ST8SIA6: variants seen among roughly 807,000 people sequenced by gnomAD.
The protein encoded by ST8SIA6 is ST8 alpha-N-acetyl-neuraminide alpha-2,8-sialyltransferase 6.
A neutral mutation model predicts 33.6 loss-of-function variants in ST8SIA6; 39 were observed. The ratio of observed to expected loss-of-function variants is 1.16; its 90% CI spans 0.90 to 1.52. The LOEUF (loss-of-function observed/expected upper bound fraction) is 1.52. ST8SIA6 is among the 40% of genes most tolerant of loss of function. ST8SIA6 has a pLI of 0.00. For missense variants in ST8SIA6, 441 were observed against 443.8 expected, an observed-to-expected ratio of 0.99 and a Z score of 0.06; for synonymous variants, 172 against 167.2, an observed-to-expected ratio of 1.03 and a Z score of -0.22.
chr10:17,388,116 G>C (rs1226353218), intron 3 of ST8SIA6, among the ~76,000 whole-genome samples: 3 of 152,230 alleles, frequency 2.0e-5, no homozygotes, highest in African/African-American at 7.2e-5. Flanking sequence ...GCCCAGGATC[G>C]TAGGTGAGGT....
intron 4 of ST8SIA6, among the ~76,000 whole-genome samples, chr10:17,347,664 C>G (rs1436035366): frequency 6.6e-6 from 1 of 151,976 alleles, no homozygotes; most frequent in African/African-American, 2.4e-5. Flanking sequence ...GCAAGGATCC[C>G]TCCAGGGGTC....
chr10:17,441,740 T>G (rs1005470222), intron 2 of ST8SIA6, among the ~76,000 whole-genome samples: 1 of 152,294 alleles, frequency 6.6e-6, no homozygotes, highest in South Asian at 2.1e-4. Flanking sequence ...TAAGTTTCAT[T>G]TGAAAGAATC....
chr10:17,325,717 C>T (rs1848111441), intron 6 of ST8SIA6, among the ~76,000 whole-genome samples: 1 of 152,124 alleles, frequency 6.6e-6, no homozygotes, highest in Non-Finnish European at 1.5e-5. Flanking sequence ...GTCTAGCCCT[C>T]ATTTTGCCTT....
At chr10:17,367,134 T>C (rs920498235) in intron 3 of ST8SIA6, among the ~76,000 whole-genome samples, 12 of 152,188 alleles carry the variant, frequency 7.9e-5, no homozygotes, top group Non-Finnish European at 1.6e-4. Flanking sequence ...TTTCAGTATC[T>C]TGAAGCTTCG....
At chr10:17,430,428 T>G (rs1349696358) in intron 2 of ST8SIA6, among the ~76,000 whole-genome samples, 3 of 152,246 alleles carry the variant, frequency 2.0e-5, no homozygotes, top group African/African-American at 7.2e-5. Flanking sequence ...GATTGCTGGA[T>G]TGAATGGTAG....
chr10:17,400,943 G>A (rs890579551), intron 2 of ST8SIA6, among the ~76,000 whole-genome samples: 6 of 152,168 alleles, frequency 3.9e-5, no homozygotes, highest in Admixed American at 3.9e-4. Context: ...AATCAGGCAG[G>A]AGAAAGAAAT....
At chr10:17,361,984 T>C (rs867889370) in intron 3 of ST8SIA6, among the ~76,000 whole-genome samples, 3 of 152,094 alleles carry the variant, frequency 2.0e-5, no homozygotes, top group Admixed American at 6.6e-5. Flanking sequence ...ACCCTCACTG[T>C]AAAACAGAAT....
intron 2 of ST8SIA6, among the ~76,000 whole-genome samples, chr10:17,427,547 C>T (rs1256201426): frequency 6.6e-6 from 1 of 152,244 alleles, no homozygotes; most frequent in Non-Finnish European, 1.5e-5. Context: ...ATAGAACAAT[C>T]AGCAGCTTTG....
chr10:17,424,350 T>A (rs7092780), intron 2 of ST8SIA6, among the ~76,000 whole-genome samples: 67,886 of 151,906 alleles, frequency 0.45, 16,232 homozygotes, highest in East Asian at 0.61. Context: ...GTGATCCACC[T>A]GCCTCGGCCT....
intron 2 of ST8SIA6, among the ~76,000 whole-genome samples, chr10:17,439,476 T>C (rs2131733390): frequency 6.6e-6 from 1 of 152,304 alleles, no homozygotes; most frequent in African/African-American, 2.4e-5. Flanking sequence ...GGCAGGGTTT[T>C]GCCATGCTGG....
intron 3 of ST8SIA6, among the ~76,000 whole-genome samples, chr10:17,379,017 T>A (rs1391763190): frequency 1.3e-5 from 2 of 151,318 alleles, no homozygotes. Context: ...TCCCAGCTAC[T>A]GGGGAGGCTG....
rs1003134872 is a variant in ST8SIA6, at chr10:17,321,489, G to A, written c.729-143C>T. 6.3e-6 allele frequency: 4 copies of A among 630,366 alleles called. No homozygotes were observed. In the Admixed American group the frequency reaches 9.7e-5, roughly 15 times the overall value. The allele number at this position is 630,366 out of a possible 1,614,324, so 39.0% of individuals were successfully genotyped here. ...ATAAAACAGATAAAGTGTGGACTCA[G>A]AGAAAACTCATTCAAGTAAGCATAA... On this transcript the variant is annotated intron_variant, in intron 7 of 7. Transcript: ENST00000377602.
chr10:17,360,187 A>T (rs1849334731), intron 3 of ST8SIA6, among the ~76,000 whole-genome samples: 1 of 152,102 alleles, frequency 6.6e-6, no homozygotes, highest in Non-Finnish European at 1.5e-5. Flanking sequence ...CTGAAATTCC[A>T]CCATTAAGTA....
chr10:17,404,784 A>G (rs570079738), intron 2 of ST8SIA6, among the ~76,000 whole-genome samples: 44 of 152,296 alleles, frequency 2.9e-4, no homozygotes, highest in African/African-American at 9.6e-4. Flanking sequence ...TCCTACTGCA[A>G]ACCTCATTGC....
chr10:17,367,945 C>T (rs1177754074), intron 3 of ST8SIA6, among the ~76,000 whole-genome samples: 2 of 152,162 alleles, frequency 1.3e-5, no homozygotes, highest in African/African-American at 2.4e-5. Flanking sequence ...CCCTTCCCTC[C>T]CTCCTGACTC....
At chr10:17,386,833 G>C (rs61842120) in intron 3 of ST8SIA6, 6,616 of 152,338 alleles carry the variant, frequency 0.043, 199 homozygotes, top group Non-Finnish European at 0.06. Context: ...GTGATACCCG[G>C]TAGGCCTCTC....
At chr10:17,385,568 G>A (rs748491530) in intron 3 of ST8SIA6, among the ~76,000 whole-genome samples, 1 of 151,930 alleles carries the variant, frequency 6.6e-6, no homozygotes, top group Non-Finnish European at 1.5e-5. Flanking sequence ...TCTCTTGCAG[G>A]TGGGGGCAGG....
intron 2 of ST8SIA6, chr10:17,409,998 T>A (rs1463965635): frequency 6.6e-6 from 1 of 152,226 alleles, no homozygotes; most frequent in Non-Finnish European, 1.5e-5. Context: ...CTAATTAATG[T>A]GGAAGCCCCA....
At chr10:17,377,206 C>T (rs1849948422) in intron 3 of ST8SIA6, among the ~76,000 whole-genome samples, 1 of 152,202 alleles carries the variant, frequency 6.6e-6, no homozygotes, top group South Asian at 2.1e-4. Flanking sequence ...TTATGACCTG[C>T]CCCTGCCTGC....
Sources: gnomAD v4.1 joint callset for allele counts (sites outside exome capture counted in the v4.1 genomes callset) on GRCh38, gnomAD v4.1.1 for gene constraint, MANE v1.5 for transcripts, NCBI Gene and HGNC (gene_info 2026-07-23, HGNC 2026-07-21) for gene names.